The following GEMIN5 variants were observed in gnomAD, a reference collection of about 807,000 sequenced individuals.
GEMIN5 encodes the protein gem nuclear organelle associated protein 5, also known as gem-associated protein 5.
A neutral mutation model predicts 176.9 loss-of-function variants in GEMIN5; 124 were observed. The ratio of observed to expected loss-of-function variants is 0.70; its 90% CI spans 0.61 to 0.81. The LOEUF (loss-of-function observed/expected upper bound fraction) is 0.81, where lower values mean the gene tolerates loss of function less well. GEMIN5 is among the 40% of genes least tolerant of loss of function. The pLI is 0.00. For synonymous variants in GEMIN5, 673 were observed against 665.2 expected (o/e 1.01, Z -0.18); for missense variants, 1,843 against 1,814.6 (o/e 1.02, Z -0.28).
intron 1 of GEMIN5, 90 bp from the exon 2 acceptor site, chr5:154,937,275 T>C (rs1164594801): frequency 9.5e-7 from 1 of 1,055,630 alleles, no homozygotes; most frequent in Non-Finnish European, 1.4e-6. Context: ...AGTGAGCAGA[T>C]GCTTTGGAGT....
chr5:154,914,528 T>TA (rs1377778850), intron 13 of GEMIN5, among the ~76,000 whole-genome samples: 2 of 107,182 alleles, frequency 1.9e-5, no homozygotes, highest in Non-Finnish European at 4.0e-5. Flanking sequence ...TTTTTTTTTT[T>TA]AAAGAGACTA....
chr5:154,889,376 G>A lies in GEMIN5; in HGVS notation c.4304C>T (p.Thr1435Ile). 1 of 1,610,454 alleles carries A rather than the reference G, an allele frequency of 6.2e-7. No individual in the cohort carries two copies. Among genetic ancestry groups the A allele is most frequent in the East Asian group, 2.2e-5 (1 of 44,818 alleles). ...CTGATTTGCCTCGGTAAGCCTTTTGGTTAACTCAGGCAGAGAAAGTGGCTC... is the reference window on the plus strand; with the variant it reads ...CTGATTTGCCTCGGTAAGCCTTTTGATTAACTCAGGCAGAGAAAGTGGCTC... ...KNEPLSLPEL[T>I]KRLTEANQRM... is the part of the protein sequence containing the mutation. The change falls in exon 27 of 28, where the codon ACC becomes ATC. Residue 1435 changes from threonine to isoleucine, a missense_variant. Thr to Ile is a moderately conservative substitution (Grantham distance 89). Transcript: ENST00000285873.
At chr5:154,907,104 T>C (rs1763582857) in intron 16 of GEMIN5, among the ~76,000 whole-genome samples, 1 of 152,172 alleles carries the variant, frequency 6.6e-6, no homozygotes. Flanking sequence ...AAAAACCTAA[T>C]AACCATTCAC....
Position 154,912,435 on chromosome 5 carries a change from C to T in GEMIN5, c.1995+464G>A, listed in dbSNP as rs532939766. On this transcript the variant is annotated intron_variant, in intron 14 of 27. Coordinates refer to ENST00000285873, the MANE Select transcript of GEMIN5 (RefSeq NM_015465.5). ...CGAGATACATCACAGATGTTAAGTC[C>T]CCAGCTCTAGTTCTGATATCCACAA... is the stretch of plus-strand genomic sequence containing the variant. Among the ~76,000 whole-genome samples the T allele has an allele frequency of 8.3e-4, 127 of 152,270 alleles. 2 individuals carry two copies. Among genetic ancestry groups the T allele is most frequent in the Middle Eastern group, 6.8e-3 (2 of 294 alleles).
At chr5:154,936,821 G>C (rs1304189958) in intron 2 of GEMIN5, among the ~76,000 whole-genome samples, 1 of 152,194 alleles carries the variant, frequency 6.6e-6, no homozygotes, top group Non-Finnish European at 1.5e-5. Flanking sequence ...GCAAAAACAG[G>C]CACAGAGCAG....
At chr5:154,905,297 G>A (rs372348718) in intron 17 of GEMIN5, 66 bp downstream of exon 17, 11 of 689,156 alleles carry the variant, frequency 1.6e-5, no homozygotes, top group East Asian at 2.7e-5. Context: ...TGACAGTTGC[G>A]TGTAATATAT....
chr5:154,891,590 C>T lies in GEMIN5; in HGVS notation c.3913G>A (p.Ala1305Thr), dbSNP rs1424175458. 9 of 1,614,102 alleles carry T rather than the reference C, an allele frequency of 5.6e-6. No individual in the cohort carries two copies. Among genetic ancestry groups the T allele is most frequent in the African/African-American group, 5.3e-5 (4 of 75,036 alleles). ...TCAACAGAGAGTGTTCTGTGACCAG[C>T]CCTTACCCAGACACTGGAATTTGGG... is the stretch of plus-strand genomic sequence containing the variant. ...PCPNSSVWVR[A>T]GHRTLSVEPS... is the part of the protein sequence containing the mutation. The change falls in exon 26 of 28, where the codon GCT (alanine) becomes ACT (threonine). Residue 1305 changes from alanine to threonine, a missense_variant. Transcript: ENST00000285873.
rs534970637 is a variant in GEMIN5 at position 154,928,537 on chromosome 5, T to C, written c.904A>G (p.Ser302Gly). ...PSNQPTQLVS[S>G]CFGGELLQWD... is the part of the protein sequence containing the mutation. ...CCAAAAAAGACTTACCCAAAACAGC[T>C]AGATACCAGCTGTGTTGGTTGATTG... is the stretch of plus-strand genomic sequence containing the variant. The change falls in exon 6 of 28, where the codon AGC (serine) becomes GGC (glycine). Residue 302 changes from serine to glycine, a missense_variant. Transcript: ENST00000285873. 22 of 1,614,122 alleles carry C rather than the reference T, an allele frequency of 1.4e-5. 1 individual carries two copies. In the South Asian group the frequency reaches 2.4e-4, roughly 18 times the overall value.
chr5:154,892,163 C>T (rs1229203392), intron 25 of GEMIN5, among the ~76,000 whole-genome samples: 2 of 152,202 alleles, frequency 1.3e-5, no homozygotes, highest in East Asian at 3.8e-4. Context: ...CTCCCTTAAA[C>T]TTTGTGGAAA....
chr5:154,900,129 GA>G (rs1298915982), intron 21 of GEMIN5, among the ~76,000 whole-genome samples: 3 of 152,186 alleles, frequency 2.0e-5, no homozygotes, highest in Non-Finnish European at 4.4e-5. Context: ...TTGTGTGCCT[GA>G]GTTTCCCATA....
At chr5:154,918,270 T>C (rs975474373) in intron 11 of GEMIN5, among the ~76,000 whole-genome samples, 1 of 152,184 alleles carries the variant, frequency 6.6e-6, no homozygotes, top group African/African-American at 2.4e-5. Flanking sequence ...GTGAAATATA[T>C]ACTTAATTAA....
Position 154,913,009 on chromosome 5 carries a change from T to A in GEMIN5, c.1885A>T (p.Thr629Ser), listed in dbSNP as rs748145394. The A allele has an allele frequency of 1.9e-6, 3 of 1,613,658 alleles. No homozygotes were observed. In the East Asian group the frequency reaches 6.7e-5, roughly 36 times the overall value. ...CCTGAGAGGGTCCGGTAGGGCTCTG[T>A]AATGGTCACTGGAGACTCAGGGCTG... Reference protein sequence around the residue: ...ESSPESPVTITEPYRTLSGHT... With the variant: ...ESSPESPVTISEPYRTLSGHT... Residue 629 changes from threonine to serine, a missense_variant, in exon 14 of 28, where the codon ACA (threonine) becomes TCA (serine). By Grantham distance (58) the Thr-to-Ser change is moderately conservative. Transcript: ENST00000285873.
intron 9 of GEMIN5, among the ~76,000 whole-genome samples, chr5:154,921,922 G>A (rs1415045424): frequency 6.6e-6 from 1 of 152,192 alleles, no homozygotes; most frequent in East Asian, 1.9e-4. Context: ...GTAATGATAT[G>A]TGATGTGTCA....
chr5:154,937,322 TTACAC>T (rs1764290500), intron 1 of GEMIN5, 137 bp from the exon 2 acceptor site: 3 of 692,190 alleles, frequency 4.3e-6, no homozygotes, highest in Admixed American at 2.7e-5. Context: ...ACCGACGGAC[TTACAC>T]TCAGAATTCC....
Position 154,898,446 on chromosome 5 carries a change from A to C in GEMIN5, c.3339T>G (p.Ser1113Arg). Residue 1113 changes from serine to arginine, a missense_variant, in exon 23 of 28, where the codon AGT (serine) becomes AGG (arginine). Ser to Arg is a moderately radical substitution (Grantham distance 110, BLOSUM62 -1). Coordinates refer to ENST00000285873, the MANE Select transcript of GEMIN5 (RefSeq NM_015465.5). ...GATGAAATAACAGACTGACCTGTAG[A>C]CTTTCATGCAGCTGCAGGGCTTCCT... ...GAQEALQLHE[S>R]LQGQRLVFCL... is the part of the protein sequence containing the mutation. 6.2e-7 allele frequency: 1 copy of C among 1,612,128 alleles called. No individual in the cohort carries two copies. The highest frequency in any genetic ancestry group is 8.5e-7 in the Non-Finnish European group (1 of 1,178,190).
rs542038822 is a variant in GEMIN5 at position 154,931,804 on chromosome 5, C to A, written c.662-227G>T. ...CTGAGGCAGGTGGATCACCTGAGGTCGGGAGTTCAAGACCAGCCTGACCAA... is the reference window on the plus strand; with the variant it reads ...CTGAGGCAGGTGGATCACCTGAGGTAGGGAGTTCAAGACCAGCCTGACCAA... On this transcript the variant is annotated intron_variant, in intron 4 of 27. Coordinates refer to ENST00000285873, the MANE Select transcript of GEMIN5 (RefSeq NM_015465.5). The A allele has an allele frequency of 2.2e-5, 11 of 497,870 alleles. No individual in the cohort carries two copies. In the East Asian group the frequency reaches 3.5e-4, roughly 16 times the overall value. The allele number at this position is 497,870 out of a possible 1,614,324, so 30.8% of individuals were successfully genotyped here.
In GEMIN5 at chr5:154,899,365, T is replaced by A; in HGVS notation, c.3015-55A>T. On this transcript the variant is annotated intron_variant, in intron 21 of 27. Coordinates refer to ENST00000285873, the MANE Select transcript of GEMIN5 (RefSeq NM_015465.5). The stretch of plus-strand genomic sequence containing the variant: ...TCTGAAAAGGCTCCTCTGTGTATGG[T>A]CCTAGGAGGGGCTGTAAGACAGGAC... 2.1e-6 allele frequency: 3 copies of A among 1,436,630 alleles called. No homozygotes were observed. The South Asian group carries it at 4.7e-5, about 22-fold the overall frequency. The allele number at this position is 1,436,630 out of a possible 1,614,324, so 89.0% of individuals were successfully genotyped here.
intron 18 of GEMIN5, among the ~76,000 whole-genome samples, chr5:154,903,671 T>A (rs2688185): frequency 0.95 from 144,647 of 152,230 alleles, 68,884 homozygotes; most frequent in South Asian, 0.99. Context: ...ACAAAACAGT[T>A]CAAAAATTCA....
At position 154,891,716 on chromosome 5, in the gene GEMIN5, C is replaced by T; in HGVS notation, c.3787G>A (p.Gly1263Arg). The change falls in exon 26 of 28, where the codon GGG (glycine) becomes AGG (arginine). Residue 1263 changes from glycine (G) to arginine (R), a missense_variant. Coordinates refer to ENST00000285873, the MANE Select transcript of GEMIN5 (RefSeq NM_015465.5). Reference protein sequence around the residue: ...DGCDHLRDKLGDHQSPATPAF... With the variant: ...DGCDHLRDKLRDHQSPATPAF... ...GGTGTGGCAGGGGATTGATGGTCCC[C>T]CAACTTGTCTCTTAGGTGGTCACAG... The T allele has an allele frequency of 6.2e-7, 1 of 1,602,888 alleles. No individual in the cohort carries two copies. Among genetic ancestry groups the T allele is most frequent in the Admixed American group, 1.8e-5 (1 of 56,850 alleles).
Sources: gnomAD v4.1 joint callset for allele counts (sites outside exome capture counted in the v4.1 genomes callset) on GRCh38, gnomAD v4.1.1 for gene constraint, MANE v1.5 for transcripts, NCBI Gene and HGNC (gene_info 2026-07-23, HGNC 2026-07-21) for gene names.